The following SCG5 variants were observed in gnomAD, a reference collection of about 807,000 sequenced individuals.
The protein encoded by SCG5 is neuroendocrine protein 7B2.
Under a neutral mutation model 25.7 loss-of-function variants are expected in SCG5, and 18 were observed. The observed-to-expected ratio is 0.70, with a 90% CI of 0.48 to 1.04. The LOEUF (loss-of-function observed/expected upper bound fraction) is 1.04. SCG5 is among the 50% of genes least tolerant of loss of function. SCG5 has a pLI of 0.00. For synonymous variants in SCG5, 101 were observed against 91.7 expected, an observed-to-expected ratio of 1.10 and a Z score of -0.58; for missense variants, 206 against 259.8, an observed-to-expected ratio of 0.79 and a Z score of 1.42.
intron 2 of SCG5, among the ~76,000 whole-genome samples, chr15:32,649,414 TCTGTTATCTAGAATTGACTATGA>T (rs2053998612): frequency 6.6e-6 from 1 of 152,218 alleles, no homozygotes; most frequent in Admixed American, 6.5e-5. Flanking sequence ...AGCAAAAATG[TCTGTTATCTAGAATTGACTATGA>T]CTGTGATCAC....
At chr15:32,690,917 G>A (rs2054840188) in intron 4 of SCG5, among the ~76,000 whole-genome samples, 1 of 145,848 alleles carries the variant, frequency 6.9e-6, no homozygotes, top group Admixed American at 6.9e-5. Flanking sequence ...AACAACACAA[G>A]TAAAGCCCCC....
intron 2 of SCG5, among the ~76,000 whole-genome samples, chr15:32,653,945 AATT>A (rs2054073567): frequency 6.6e-6 from 1 of 152,192 alleles, no homozygotes; most frequent in Non-Finnish European, 1.5e-5. Context: ...TCCTAAGGAA[AATT>A]ATTATAATCC....
chr15:32,691,816 G>A (rs762347249), intron 5 of SCG5, 53 bp downstream of exon 5: 1 of 1,598,498 alleles, frequency 6.3e-7, no homozygotes, highest in African/African-American at 1.3e-5. Context: ...TTTCTGAGTG[G>A]GGCAGTGAAC....
At chr15:32,679,221 GT>G (rs2054576266) in intron 2 of SCG5, among the ~76,000 whole-genome samples, 1 of 148,252 alleles carries the variant, frequency 6.7e-6, no homozygotes. Context: ...TTGAGACAGA[GT>G]TTTGCTCTGT....
rs2054292731 is a variant in SCG5, at chr15:32,664,819, A to T, written c.227-14947A>T. Reference sequence around the variant, plus strand: ...ACACATGTGTATTGAACATCTCTTTATCTGTAAGGAATACAGAAGGGAACC... The same window carrying T: ...ACACATGTGTATTGAACATCTCTTTTTCTGTAAGGAATACAGAAGGGAACC... On this transcript the variant is annotated intron_variant, in intron 2 of 5. Transcript: ENST00000300175. 2.0e-5 allele frequency among the ~76,000 whole-genome samples: 3 copies of T among 152,330 alleles called. No individual in the cohort carries two copies. The South Asian group carries it at 6.2e-4, about 32-fold the overall frequency.
rs368291381 is a variant in SCG5 at position 32,646,411 on chromosome 15, T to A, written c.226+2593T>A. On this transcript the variant is annotated intron_variant, in intron 2 of 5. Coordinates refer to ENST00000300175, the MANE Select transcript of SCG5 (RefSeq NM_001144757.3). Reference sequence around the variant, plus strand: ...ACTGAGTTCCCTTTCTCTTGCTGGCTGTCAGCCAACCAAAGCCCCTCTCAG... The same window carrying A: ...ACTGAGTTCCCTTTCTCTTGCTGGCAGTCAGCCAACCAAAGCCCCTCTCAG... Among the ~76,000 whole-genome samples, 121 of 152,332 alleles carry A rather than the reference T, an allele frequency of 7.9e-4. 1 individual carries two copies. The highest frequency in any genetic ancestry group is 2.8e-3 in the African/African-American group (117 of 41,578).
At position 32,679,714 on chromosome 15, in the gene SCG5, G is replaced by T. The variant is rs867669390; in HGVS notation, c.227-52G>T. The T allele has an allele frequency of 3.8e-6, 6 of 1,592,714 alleles. No homozygotes were observed. The Middle Eastern group carries it at 8.3e-4, about 221-fold the overall frequency. ...GTGTGATATGCCTGAATAAATATTG[G>T]TTGAAATTAATTGAATTGCACTGCA... On this transcript the variant is annotated intron_variant, in intron 2 of 5. Coordinates refer to ENST00000300175, the MANE Select transcript of SCG5 (RefSeq NM_001144757.3).
At chr15:32,660,784 T>G (rs1567075216) in intron 2 of SCG5, among the ~76,000 whole-genome samples, 1 of 152,236 alleles carries the variant, frequency 6.6e-6, no homozygotes, top group Non-Finnish European at 1.5e-5. Context: ...ACATTTGCCT[T>G]CATGAGTTTT....
At chr15:32,642,568 C>CAAAA (rs11338067) in intron 1 of SCG5, among the ~76,000 whole-genome samples, 6 of 49,728 alleles carry the variant, frequency 1.2e-4, no homozygotes, top group African/African-American at 1.6e-4. Context: ...AACTCCGTCT[C>CAAAA]AAAAAAAAAA....
intron 2 of SCG5, among the ~76,000 whole-genome samples, chr15:32,663,079 A>ATATATAAT (rs1555434474): frequency 1.5e-5 from 1 of 66,022 alleles, no homozygotes; most frequent in East Asian, 4.8e-4. Context: ...ATATATATAT[A>ATATATAAT]ATATATAATA....
At chr15:32,679,628 A>G in intron 2 of SCG5, 138 bp from the exon 3 acceptor site, 1 of 900,376 alleles carries the variant, frequency 1.1e-6, no homozygotes, top group Non-Finnish European at 1.7e-6. Context: ...AAACCCCTAG[A>G]GGGCAAGAAC....
intron 2 of SCG5, among the ~76,000 whole-genome samples, chr15:32,678,054 A>C (rs1338295120): frequency 6.6e-6 from 1 of 152,246 alleles, no homozygotes; most frequent in African/African-American, 2.4e-5. Context: ...ACTGTTTGAC[A>C]TACACTGAAA....
intron 2 of SCG5, among the ~76,000 whole-genome samples, chr15:32,670,058 T>C (rs922888889): frequency 5.3e-5 from 8 of 152,236 alleles, no homozygotes; most frequent in Non-Finnish European, 1.0e-4. Flanking sequence ...CTTCACTGTT[T>C]GCGTGCCTCT....
intron 3 of SCG5, among the ~76,000 whole-genome samples, chr15:32,682,983 G>A (rs1432097085): frequency 6.6e-6 from 1 of 152,206 alleles, no homozygotes; most frequent in Non-Finnish European, 1.5e-5. Context: ...CCACTCAGAG[G>A]TACACCAGAA....
intron 2 of SCG5, among the ~76,000 whole-genome samples, chr15:32,674,708 T>C (rs1595809839): frequency 6.6e-6 from 1 of 152,152 alleles, no homozygotes; most frequent in East Asian, 1.9e-4. Context: ...GAGCTGAGGT[T>C]GATCAGGTCT....
intron 2 of SCG5, among the ~76,000 whole-genome samples, chr15:32,654,719 G>A (rs1025692746): frequency 6.6e-6 from 1 of 152,128 alleles, no homozygotes; most frequent in Admixed American, 6.5e-5. Flanking sequence ...ACTGAGATTT[G>A]CAAATGCGCA....
chr15:32,652,340 T>A (rs148717128), intron 2 of SCG5, among the ~76,000 whole-genome samples: 2 of 151,898 alleles, frequency 1.3e-5, no homozygotes, highest in African/African-American at 4.8e-5. Context: ...GTTCCCAGAA[T>A]GTCAGGTAAA....
At chr15:32,648,565 C>G (rs954380989) in intron 2 of SCG5, among the ~76,000 whole-genome samples, 2 of 152,090 alleles carry the variant, frequency 1.3e-5, no homozygotes, top group African/African-American at 2.4e-5. Flanking sequence ...GTCAATCGTA[C>G]TCCCTACTTT....
intron 1 of SCG5, 114 bp from the exon 2 acceptor site, chr15:32,643,472 A>C (rs1052615122): frequency 1.3e-6 from 1 of 780,280 alleles, no homozygotes; most frequent in African/African-American, 1.7e-5. Flanking sequence ...CTTTGTTACA[A>C]CCCCTTTCTG....
Sources: gnomAD v4.1 joint callset for allele counts (sites outside exome capture counted in the v4.1 genomes callset) on GRCh38, gnomAD v4.1.1 for gene constraint, MANE v1.5 for transcripts, NCBI Gene and HGNC (gene_info 2026-07-23, HGNC 2026-07-21) for gene names.